Variants in MALRD1 observed in about 807,000 individuals in gnomAD.
MALRD1 encodes the protein MAM and LDL receptor class A domain containing 1.
A neutral mutation model predicts 242.1 loss-of-function variants in MALRD1; 247 were observed. The ratio of observed to expected loss-of-function variants is 1.02; its 90% CI spans 0.92 to 1.13. The LOEUF (loss-of-function observed/expected upper bound fraction) is 1.13, where lower values mean the gene tolerates loss of function less well. Ranked by LOEUF, MALRD1 falls within the 50% of genes most tolerant of loss-of-function variation. The probability of loss-of-function intolerance (pLI) is 0.00; values close to 1 mark genes in which losing one functional copy is unlikely to be tolerated. For synonymous variants in MALRD1, 995 were observed against 866.6 expected (o/e 1.15, Z -2.60); for missense variants, 2,989 against 2,533.1 (o/e 1.18, Z -3.86).
intron 22 of MALRD1, 86 bp from the exon 23 acceptor site, chr10:19,327,477 A>C: frequency 1.8e-6 from 2 of 1,091,260 alleles, no homozygotes; most frequent in Non-Finnish European, 2.6e-6. Flanking sequence ...CAACTAAAAA[A>C]AAAAAAATCA....
At chr10:19,648,074 GA>G (rs1236453903) in intron 36 of MALRD1, among the ~76,000 whole-genome samples, 6 of 152,190 alleles carry the variant, frequency 3.9e-5, no homozygotes, top group African/African-American at 1.4e-4. Flanking sequence ...AACCTCTGCA[GA>G]AGAGAGGCCT....
intron 29 of MALRD1, among the ~76,000 whole-genome samples, chr10:19,485,866 CTA>C (rs1837215669): frequency 1.3e-5 from 2 of 151,758 alleles, no homozygotes; most frequent in Non-Finnish European, 2.9e-5. Flanking sequence ...TGAAACAACT[CTA>C]TGATGAATAA....
At chr10:19,705,797 G>T (rs759036062) in intron 38 of MALRD1, among the ~76,000 whole-genome samples, 4 of 32,126 alleles carry the variant, frequency 1.2e-4, no homozygotes, top group Non-Finnish European at 2.1e-4. Flanking sequence ...CTCATGTCCT[G>T]CAATAGTAAA....
intron 36 of MALRD1, among the ~76,000 whole-genome samples, chr10:19,632,609 T>A (rs1351884514): frequency 6.6e-6 from 1 of 152,086 alleles, no homozygotes; most frequent in East Asian, 1.9e-4. Context: ...TTACCAACAT[T>A]GTTTCACTTA....
At chr10:19,472,061 T>C (rs986322406) in intron 29 of MALRD1, among the ~76,000 whole-genome samples, 5 of 151,974 alleles carry the variant, frequency 3.3e-5, no homozygotes, top group African/African-American at 1.2e-4. Flanking sequence ...TGGCTTTTAT[T>C]ATGTTGAGTT....
At position 19,588,013 on chromosome 10, in the gene MALRD1, A is replaced by C. The variant is rs534254869; in HGVS notation, c.5681-7181A>C. Among the ~76,000 whole-genome samples, 452 of 152,152 alleles carry C rather than the reference A, an allele frequency of 3.0e-3. 3 individuals carry two copies. The highest frequency in any genetic ancestry group is 0.01 in the African/African-American group (432 of 41,544). Reference sequence around the variant, plus strand: ...TTTAAATATATATACATGTATATACAACATCATCTGCAAAAGTCCTTTATG... The same window carrying C: ...TTTAAATATATATACATGTATATACCACATCATCTGCAAAAGTCCTTTATG... On this transcript the variant is annotated intron_variant, in intron 33 of 39. Coordinates refer to ENST00000454679, the MANE Select transcript of MALRD1 (RefSeq NM_001142308.3).
At chr10:19,544,644 C>T (rs767415462) in intron 32 of MALRD1, among the ~76,000 whole-genome samples, 2 of 151,850 alleles carry the variant, frequency 1.3e-5, no homozygotes, top group Non-Finnish European at 2.9e-5. Flanking sequence ...AATAATCTAC[C>T]CACCACCCAC....
intron 29 of MALRD1, among the ~76,000 whole-genome samples, chr10:19,467,801 AT>A (rs35797282): frequency 0.82 from 122,332 of 149,570 alleles, 50,131 homozygotes; most frequent in East Asian, 1. Context: ...AATTAAAATA[AT>A]TTTTTTTTTG....
In MALRD1 at chr10:19,639,905, TG is replaced by T. The variant is rs559464644; in HGVS notation, c.6137+23985del. ...TATATTTTACATATATTAGAAAATA[TG>T]GGATTTTGTGGGGAGTGGTAAGAAT... On this transcript the variant is annotated intron_variant, in intron 36 of 39. Transcript: ENST00000454679. Among the ~76,000 whole-genome samples the T allele has an allele frequency of 2.0e-3, 309 of 152,056 alleles. 2 individuals are homozygous for T. Among genetic ancestry groups the T allele is most frequent in the African/African-American group, 6.1e-3 (253 of 41,468 alleles).
chr10:19,540,133 T>A (rs183457888), intron 32 of MALRD1, among the ~76,000 whole-genome samples: 1 of 152,158 alleles, frequency 6.6e-6, no homozygotes, highest in Admixed American at 6.5e-5. Context: ...GATTTTGTAA[T>A]CACCTAGAAT....
intron 10 of MALRD1, among the ~76,000 whole-genome samples, chr10:19,137,534 A>G (rs1418132200): frequency 7.1e-6 from 1 of 141,362 alleles, no homozygotes; most frequent in Non-Finnish European, 1.5e-5. Context: ...TGAACATGGG[A>G]GGTGGAGGTT....
chr10:19,587,859 C>G (rs1271106463), intron 33 of MALRD1, among the ~76,000 whole-genome samples: 1 of 149,854 alleles, frequency 6.7e-6, no homozygotes, highest in South Asian at 2.1e-4. Context: ...GTCTTGGTTA[C>G]TAGGAATGTC....
intron 2 of MALRD1, among the ~76,000 whole-genome samples, chr10:19,068,866 G>A (rs1416860982): frequency 3.3e-5 from 5 of 152,040 alleles, no homozygotes; most frequent in Non-Finnish European, 7.4e-5. Flanking sequence ...GCAAGTTTGA[G>A]AATCCATTAG....
At chr10:19,200,484 C>T (rs946727261) in intron 14 of MALRD1, among the ~76,000 whole-genome samples, 8 of 152,046 alleles carry the variant, frequency 5.3e-5, no homozygotes, top group Non-Finnish European at 8.8e-5. Flanking sequence ...CCCAAATTAC[C>T]AGCTCAGACT....
At chr10:19,411,983 A>G (rs1204421894) in intron 28 of MALRD1, among the ~76,000 whole-genome samples, 4 of 152,200 alleles carry the variant, frequency 2.6e-5, no homozygotes, top group Non-Finnish European at 5.9e-5. Context: ...ACTTAAGTAA[A>G]TTGTATAACA....
chr10:19,205,655 A>C (rs946915491), intron 17 of MALRD1, among the ~76,000 whole-genome samples: 3 of 152,106 alleles, frequency 2.0e-5, no homozygotes, highest in African/African-American at 7.2e-5. Context: ...CTTAGATCAG[A>C]TCTAAAAAAA....
At chr10:19,645,359 C>T (rs144329061) in intron 36 of MALRD1, among the ~76,000 whole-genome samples, 2 of 152,226 alleles carry the variant, frequency 1.3e-5, no homozygotes, top group East Asian at 3.9e-4. Context: ...ACCATTTGAA[C>T]CAGCGATCCC....
intron 5 of MALRD1, among the ~76,000 whole-genome samples, chr10:19,109,444 C>T (rs965395731): frequency 6.6e-6 from 1 of 152,248 alleles, no homozygotes; most frequent in East Asian, 1.9e-4. Flanking sequence ...GTCATGACCT[C>T]CCTGGTTGGC....
At chr10:19,522,641 A>G (rs550059280) in intron 31 of MALRD1, among the ~76,000 whole-genome samples, 1 of 152,304 alleles carries the variant, frequency 6.6e-6, no homozygotes, top group Non-Finnish European at 1.5e-5. Flanking sequence ...AGTAGCATTT[A>G]TGATCTACAT....
Sources: gnomAD v4.1 joint callset for allele counts (sites outside exome capture counted in the v4.1 genomes callset) on GRCh38, gnomAD v4.1.1 for gene constraint, MANE v1.5 for transcripts, NCBI Gene and HGNC (gene_info 2026-07-23, HGNC 2026-07-21) for gene names.